Variants in ATAD1 observed in about 807,000 individuals in gnomAD.
ATAD1 encodes the protein outer mitochondrial transmembrane helix translocase.
A neutral mutation model predicts 42.7 loss-of-function variants in ATAD1; 18 were observed. The observed-to-expected ratio is 0.42, with a 90% confidence interval of 0.29 to 0.63. The LOEUF is 0.63. Ranked by LOEUF, ATAD1 falls within the 20% of genes least tolerant of loss-of-function variation. The pLI, the probability that ATAD1 is intolerant of heterozygous loss-of-function variation, is 0.19. For missense variants in ATAD1, 294 were observed against 440.4 expected, an observed-to-expected ratio of 0.67 and a Z score of 2.98; for synonymous variants, 132 against 143.1, an observed-to-expected ratio of 0.92 and a Z score of 0.55.
At position 87,762,914 on chromosome 10, in the gene ATAD1, A is replaced by ATAT. The variant is rs1358202098; in HGVS notation, c.831+4758_831+4759insATA. ...TGAAACCCCGTCTCTACTAAAAAAA[A>ATAT]AAAAATATATATATATATAAGCCGG... On this transcript the variant is annotated intron_variant, in intron 8 of 9. Transcript: ENST00000680024. Among the ~76,000 whole-genome samples the ATAT allele has an allele frequency of 9.9e-5, 11 of 110,684 alleles. 1 individual carries two copies. In the South Asian group the frequency reaches 1.0e-3, roughly 11 times the overall value. 72.6% of individuals were successfully genotyped at this position (110,684 alleles called of 152,430 possible). A position where few individuals can be genotyped will look rare whatever the true frequency, so the allele number is the denominator to read the frequency against.
At chr10:87,780,994 C>T (rs1485301548) in intron 5 of ATAD1, among the ~76,000 whole-genome samples, 1 of 152,066 alleles carries the variant, frequency 6.6e-6, no homozygotes. Context: ...AAATTTGTAC[C>T]ACCATTCAGT....
At chr10:87,758,721 A>ATC (rs1157015096) in intron 8 of ATAD1, among the ~76,000 whole-genome samples, 3 of 152,212 alleles carry the variant, frequency 2.0e-5, no homozygotes, top group Admixed American at 2.0e-4. Context: ...CTCAAAATGC[A>ATC]TAATTGAGAA....
chr10:87,777,879 CTA>C (rs1855380046), intron 5 of ATAD1, among the ~76,000 whole-genome samples: 1 of 152,168 alleles, frequency 6.6e-6, no homozygotes, highest in East Asian at 1.9e-4. Context: ...AACATATATC[CTA>C]GATTTATTTA....
At chr10:87,786,370 T>A (rs921494641) in intron 4 of ATAD1, among the ~76,000 whole-genome samples, 6 of 152,244 alleles carry the variant, frequency 3.9e-5, no homozygotes, top group African/African-American at 1.4e-4. Flanking sequence ...TTTTAGAGTG[T>A]TGTGTTTGAT....
chr10:87,754,828 T>G (rs759018303), intron 9 of ATAD1, 21 bp from the exon 10 acceptor site: 2 of 1,604,828 alleles, frequency 1.2e-6, no homozygotes, highest in Non-Finnish European at 8.5e-7. Context: ...AACAAAACCA[T>G]CAAATACTCA....
chr10:87,804,037 T>C (rs191883246), intron 2 of ATAD1, among the ~76,000 whole-genome samples: 1 of 152,350 alleles, frequency 6.6e-6, no homozygotes, highest in Admixed American at 6.5e-5. Context: ...TGACTGGCAA[T>C]GGAGTTCACA....
Position 87,790,435 on chromosome 10 carries a change from C to T in ATAD1, c.262-5G>A, listed in dbSNP as rs1856042265. ...TGCTATATCACTCCAAGTAACCTGG[C>T]AAAAGTTAAGGTCAACATGAATTTT... On this transcript the variant is annotated splice_region_variant and splice_polypyrimidine_tract_variant and intron_variant, in intron 3 of 9. Coordinates refer to ENST00000680024, the MANE Select transcript of ATAD1 (RefSeq NM_001321967.2). 1.9e-6 allele frequency: 3 copies of T among 1,595,700 alleles called. No individual in the cohort carries two copies. The highest frequency in any genetic ancestry group is 2.6e-6 in the Non-Finnish European group (3 of 1,175,644).
At chr10:87,773,673 G>A (rs1855156808) in intron 6 of ATAD1, among the ~76,000 whole-genome samples, 1 of 152,168 alleles carries the variant, frequency 6.6e-6, no homozygotes, top group Non-Finnish European at 1.5e-5. Context: ...TTTTGGTTCT[G>A]AAAACTCTGT....
chr10:87,781,953 GTTTT>G (rs11313347), intron 5 of ATAD1, among the ~76,000 whole-genome samples: 2 of 147,958 alleles, frequency 1.4e-5, no homozygotes, highest in African/African-American at 4.9e-5. Context: ...CCTGAGAATT[GTTTT>G]TTTTTTTAAT....
chr10:87,788,240 A>G (rs985928289), intron 4 of ATAD1, among the ~76,000 whole-genome samples: 2 of 152,036 alleles, frequency 1.3e-5, no homozygotes, highest in African/African-American at 4.8e-5. Context: ...TGAAGCAGTG[A>G]TCACTTTCAG....
chr10:87,811,442 T>C (rs1857179755), intron 2 of ATAD1, among the ~76,000 whole-genome samples: 1 of 152,198 alleles, frequency 6.6e-6, no homozygotes, highest in African/African-American at 2.4e-5. Context: ...GACCTATTCA[T>C]TCTTCACTGG....
chr10:87,808,676 C>T (rs901432656), intron 2 of ATAD1, among the ~76,000 whole-genome samples: 22 of 152,172 alleles, frequency 1.4e-4, no homozygotes, highest in Non-Finnish European at 2.2e-4. Flanking sequence ...GAGAATCATA[C>T]AGGTTTTATT....
intron 8 of ATAD1, among the ~76,000 whole-genome samples, chr10:87,763,667 T>TA (rs986368738): frequency 2.0e-5 from 3 of 151,764 alleles, no homozygotes; most frequent in Non-Finnish European, 4.4e-5. Flanking sequence ...AGTGAGACCC[T>TA]AAAAAAACAA....
At chr10:87,772,539 G>GA (rs1490500660) in intron 6 of ATAD1, among the ~76,000 whole-genome samples, 2 of 152,106 alleles carry the variant, frequency 1.3e-5, no homozygotes, top group Admixed American at 6.6e-5. Context: ...TGAGTATAAG[G>GA]AAAAAACATC....
upstream of ATAD1, chr10:87,819,281 A>C (rs1244004062): frequency 2.7e-5 from 4 of 149,614 alleles, no homozygotes; most frequent in African/African-American, 1.0e-4. Flanking sequence ...AAAAAAAAAA[A>C]AAAAAAAAAA....
chr10:87,755,703 G>A (rs1298685778), intron 9 of ATAD1, among the ~76,000 whole-genome samples: 1 of 152,124 alleles, frequency 6.6e-6, no homozygotes, highest in Non-Finnish European at 1.5e-5. Flanking sequence ...GAGGTCAGGA[G>A]TTCGAGACCA....
chr10:87,774,878 A>C (rs1855218595), intron 6 of ATAD1, among the ~76,000 whole-genome samples: 1 of 151,992 alleles, frequency 6.6e-6, no homozygotes, highest in Non-Finnish European at 1.5e-5. Context: ...GCTTGAGCCC[A>C]GGAGGTTGAG....
intron 3 of ATAD1, 94 bp downstream of exon 3, chr10:87,792,538 CTTATGATTCAGCCTAGAGAATCAAA>C: frequency 2.9e-6 from 2 of 698,336 alleles, no homozygotes. Context: ...TATGCCGAGT[CTTATGATTCAGCCTAGAGAATCAAA>C]GAACCCGGCC....
chr10:87,798,309 G>C lies in ATAD1; in HGVS notation c.163-5554C>G, dbSNP rs553337304. ...AAGTGGGAAACGTTCTAAGAATGAG[G>C]AGAATGATCCCCTTTCAAGCACTCC... On this transcript the variant is annotated intron_variant, in intron 2 of 9. Transcript: ENST00000680024. Among the ~76,000 whole-genome samples, 307 of 152,266 alleles carry C rather than the reference G, an allele frequency of 2.0e-3. 5 individuals carry two copies. The highest frequency in any genetic ancestry group is 0.01 in the Middle Eastern group (3 of 294).
Sources: gnomAD v4.1 joint callset for allele counts (sites outside exome capture counted in the v4.1 genomes callset) on GRCh38, gnomAD v4.1.1 for gene constraint, MANE v1.5 for transcripts, NCBI Gene and HGNC (gene_info 2026-07-23, HGNC 2026-07-21) for gene names.